The following GALNT3 variants were observed in gnomAD, a reference collection of about 807,000 sequenced individuals.
The protein encoded by GALNT3 is polypeptide N-acetylgalactosaminyltransferase 3, also known as GalNAc transferase 3.
GALNT3 carries 51 observed loss-of-function variants against 69.8 expected under a neutral mutation model. The ratio of observed to expected loss-of-function variants is 0.73; its 90% confidence interval spans 0.58 to 0.92. The LOEUF is 0.92. Ranked by LOEUF, GALNT3 falls within the 40% of genes least tolerant of loss-of-function variation. The pLI is 0.00. For missense variants in GALNT3, 711 were observed against 760.0 expected (o/e 0.94, Z 0.76); for synonymous variants, 265 against 248.5 (o/e 1.07, Z -0.63).
At position 165,749,738 on chromosome 2, in the gene GALNT3, G is replaced by A. The variant is rs760388118; in HGVS notation, c.1779+4C>T. On this transcript the variant is annotated splice_donor_region_variant and intron_variant, in intron 10 of 10. Transcript: ENST00000392701. ...AAATAGATGAATTAATTGCACTGAG[G>A]TACCTTCTGGATCTCCCATATCTGC... is the stretch of plus-strand genomic sequence containing the variant. 3 of 1,612,626 alleles carry A rather than the reference G, an allele frequency of 1.9e-6. No homozygotes were observed. Among genetic ancestry groups the A allele is most frequent in the Admixed American group, 3.3e-5 (2 of 59,970 alleles).
At chr2:165,782,269 G>A (rs1683126046) in intron 1 of GALNT3, among the ~76,000 whole-genome samples, 1 of 152,020 alleles carries the variant, frequency 6.6e-6, no homozygotes, top group Non-Finnish European at 1.5e-5. Flanking sequence ...CTCTCTATGG[G>A]TTAGCAGGGG....
At chr2:165,783,615 A>ACTGCAACTAT (rs910964776) in intron 1 of GALNT3, among the ~76,000 whole-genome samples, 14 of 152,198 alleles carry the variant, frequency 9.2e-5, no homozygotes, top group African/African-American at 3.1e-4. Flanking sequence ...TATGGTCTCT[A>ACTGCAACTAT]CTGCAACTAT....
chr2:165,757,707 A>C (rs1688471267), intron 6 of GALNT3, among the ~76,000 whole-genome samples: 2 of 152,230 alleles, frequency 1.3e-5, no homozygotes, highest in South Asian at 4.1e-4. Flanking sequence ...TGTAACCAAG[A>C]AAACAATTCC....
intron 9 of GALNT3, among the ~76,000 whole-genome samples, chr2:165,751,400 T>C (rs1241624505): frequency 6.6e-6 from 1 of 152,170 alleles, no homozygotes; most frequent in Non-Finnish European, 1.5e-5. Flanking sequence ...GAACTAGTAG[T>C]TCTTCAGATG....
At chr2:165,776,706 G>A (rs1682961443) in intron 1 of GALNT3, among the ~76,000 whole-genome samples, 1 of 152,066 alleles carries the variant, frequency 6.6e-6, no homozygotes, top group Non-Finnish European at 1.5e-5. Context: ...TATTCATAAA[G>A]TGAAAAGCTA....
intron 3 of GALNT3, 69 bp downstream of exon 3, chr2:165,764,815 T>C: frequency 6.6e-7 from 1 of 1,509,436 alleles, no homozygotes; most frequent in African/African-American, 1.4e-5. Context: ...GAGTACCACA[T>C]AACCAAGTAG....
intron 3 of GALNT3, 56 bp from the exon 4 acceptor site, chr2:165,762,110 T>G: frequency 8.1e-7 from 1 of 1,230,930 alleles, no homozygotes; most frequent in Non-Finnish European, 1.2e-6. Flanking sequence ...CATATATAGC[T>G]TATGAAAGCT....
intron 3 of GALNT3, among the ~76,000 whole-genome samples, chr2:165,762,837 C>T (rs1270411153): frequency 6.6e-6 from 1 of 152,146 alleles, no homozygotes; most frequent in Non-Finnish European, 1.5e-5. Context: ...GCTCTGTCGC[C>T]CAGGGTGGAG....
At chr2:165,791,828 A>G (rs1683358960) in intron 1 of GALNT3, among the ~76,000 whole-genome samples, 2 of 152,332 alleles carry the variant, frequency 1.3e-5, no homozygotes, top group South Asian at 4.1e-4. Context: ...GCTATTCCAC[A>G]ATGAGAGGAG....
intron 4 of GALNT3, among the ~76,000 whole-genome samples, chr2:165,761,602 C>T (rs370336699): frequency 2.3e-4 from 29 of 127,678 alleles, no homozygotes; most frequent in East Asian, 2.1e-3. Flanking sequence ...TTTTTTTTAA[C>T]AGAAAAGAAA....
chr2:165,754,713 G>T lies in GALNT3; in HGVS notation c.1540C>A (p.Gln514Lys). Reference protein sequence around the residue: ...VISGYIKSVGQPLCLDVGENN... With the variant: ...VISGYIKSVGKPLCLDVGENN... ...TCTCCAACATCCAGACATAGAGGCT[G>T]ACCAACGCTTTTAATCTAAAGGAAA... The change falls in exon 9 of 11, where the codon CAG becomes AAG. Residue 514 changes from glutamine to lysine, a missense_variant. By Grantham distance (53) the Gln-to-Lys change is moderately conservative. Transcript: ENST00000392701. The T allele has an allele frequency of 6.2e-7, 1 of 1,612,128 alleles. No individual in the cohort carries two copies. Among genetic ancestry groups the T allele is most frequent in the South Asian group, 1.1e-5 (1 of 90,774 alleles).
chr2:165,753,592 C>A (rs1688390295), intron 9 of GALNT3, among the ~76,000 whole-genome samples: 1 of 152,018 alleles, frequency 6.6e-6, no homozygotes, highest in Non-Finnish European at 1.5e-5. Flanking sequence ...ATCTGGCATG[C>A]AGGGCTCACT....
intron 1 of GALNT3, among the ~76,000 whole-genome samples, chr2:165,787,103 T>C (rs999876879): frequency 1.5e-4 from 23 of 152,228 alleles, no homozygotes; most frequent in African/African-American, 4.6e-4. Flanking sequence ...ACTTTATTTC[T>C]TTAGCCTACA....
chr2:165,761,493 T>A (rs1306687076), intron 4 of GALNT3, among the ~76,000 whole-genome samples: 1 of 151,994 alleles, frequency 6.6e-6, no homozygotes, highest in Non-Finnish European at 1.5e-5. Flanking sequence ...ATTACAGGAA[T>A]GAGCCACCAC....
chr2:165,749,605 C>T (rs1688319863), intron 10 of GALNT3, 137 bp downstream of exon 10: 1 of 827,782 alleles, frequency 1.2e-6, no homozygotes, highest in African/African-American at 1.7e-5. Context: ...TGGGTAGAAA[C>T]ACATAATAAC....
intron 1 of GALNT3, among the ~76,000 whole-genome samples, chr2:165,779,631 G>A (rs1354548809): frequency 1.3e-5 from 2 of 151,904 alleles, no homozygotes; most frequent in African/African-American, 4.8e-5. Flanking sequence ...GATCTCCAAC[G>A]GCTTCTATTT....
intron 1 of GALNT3, among the ~76,000 whole-genome samples, chr2:165,781,878 TAAAAAC>T (rs1559006484): frequency 6.6e-6 from 1 of 152,192 alleles, no homozygotes; most frequent in African/African-American, 2.4e-5. Flanking sequence ...CTCTGCTAGA[TAAAAAC>T]AAATTGTTTT....
At chr2:165,750,339 A>G (rs932858902) in intron 9 of GALNT3, among the ~76,000 whole-genome samples, 2 of 152,180 alleles carry the variant, frequency 1.3e-5, no homozygotes, top group Non-Finnish European at 2.9e-5. Flanking sequence ...GTAATTTAAT[A>G]GTTCCTACCC....
intron 6 of GALNT3, 83 bp from the exon 7 acceptor site, chr2:165,757,330 A>G: frequency 1.5e-6 from 2 of 1,328,174 alleles, no homozygotes; most frequent in South Asian, 1.2e-5. Context: ...TTAAGGTATT[A>G]TGAAAAACAA....
Sources: allele counts gnomAD v4.1 joint callset (sites outside exome capture counted in the v4.1 genomes callset), GRCh38; gene constraint gnomAD v4.1.1; transcripts MANE v1.5; gene names NCBI Gene and HGNC (gene_info 2026-07-23, HGNC 2026-07-21).